STK33: variants seen among roughly 807,000 people sequenced by gnomAD.
The protein encoded by STK33 is serine/threonine kinase 33, also known as serine/threonine-protein kinase 33.
Under a neutral mutation model 58.0 loss-of-function variants are expected in STK33, and 52 were observed. The observed-to-expected ratio is 0.90, with a 90% CI of 0.72 to 1.13. The LOEUF (loss-of-function observed/expected upper bound fraction) is 1.13. Among genes scored for constraint, STK33 ranks in the 50% most tolerant of loss-of-function variants. The pLI, the probability that STK33 is intolerant of heterozygous loss-of-function variation, is 0.00. For missense variants in STK33, 630 were observed against 604.2 expected, an observed-to-expected ratio of 1.04 and a Z score of -0.45; for synonymous variants, 215 against 200.1, an observed-to-expected ratio of 1.07 and a Z score of -0.63.
chr11:8,385,272 G>C, the STK33 span, among the ~76,000 whole-genome samples: 1 of 152,184 alleles, frequency 6.6e-6, no homozygotes, highest in Admixed American at 6.5e-5. Context: ...AAGACAAACG[G>C]ATCCTTTAAA....
At chr11:8,582,207 CA>C (rs898462599) in intron 1 of STK33, among the ~76,000 whole-genome samples, 38 of 151,876 alleles carry the variant, frequency 2.5e-4, no homozygotes, top group African/African-American at 8.9e-4. Flanking sequence ...ATTTGATAAA[CA>C]AAAAAACATT....
At chr11:8,431,786 C>T (rs1943453551) in intron 14 of STK33, among the ~76,000 whole-genome samples, 1 of 152,156 alleles carries the variant, frequency 6.6e-6, no homozygotes, top group Non-Finnish European at 1.5e-5. Context: ...AACCCTGGTT[C>T]AAGTCCACTC....
chr11:8,424,140 C>T (rs963318377), intron 14 of STK33, among the ~76,000 whole-genome samples: 1 of 135,502 alleles, frequency 7.4e-6, no homozygotes, highest in African/African-American at 2.7e-5. Flanking sequence ...CCTCCCCCCT[C>T]CCCCAACCCC....
the STK33 span, among the ~76,000 whole-genome samples, chr11:8,362,403 A>T: frequency 2.0e-5 from 3 of 152,216 alleles, no homozygotes; most frequent in East Asian, 5.8e-4. Flanking sequence ...ATTCGGAGTG[A>T]AATAATGATG....
intron 14 of STK33, among the ~76,000 whole-genome samples, chr11:8,415,444 C>G (rs1190626898): frequency 3.3e-5 from 5 of 152,108 alleles, no homozygotes; most frequent in Non-Finnish European, 7.4e-5. Context: ...TGGGTGAAAA[C>G]TTTAAGAGAT....
chr11:8,448,077 G>C (rs1258393673), intron 11 of STK33, among the ~76,000 whole-genome samples: 4 of 152,240 alleles, frequency 2.6e-5, no homozygotes, highest in African/African-American at 9.6e-5. Context: ...AACTTACAAG[G>C]GATGTGAAGG....
chr11:8,372,739 C>T, the STK33 span, among the ~76,000 whole-genome samples: 2 of 152,240 alleles, frequency 1.3e-5, no homozygotes, highest in African/African-American at 4.8e-5. Context: ...TTGCCCACTA[C>T]AGCCCTTAAG....
At chr11:8,373,293 G>A in the STK33 span, among the ~76,000 whole-genome samples, 17 of 152,190 alleles carry the variant, frequency 1.1e-4, no homozygotes, top group African/African-American at 4.1e-4. Context: ...AGACTCAAGG[G>A]GTTGGGGAAC....
intron 6 of STK33, among the ~76,000 whole-genome samples, chr11:8,468,461 C>A (rs978601392): frequency 4.6e-5 from 7 of 152,140 alleles, no homozygotes; most frequent in African/African-American, 1.7e-4. Context: ...AATTCAACGC[C>A]CAACTAATTA....
chr11:8,572,364 C>G (rs1017291280), intron 1 of STK33, among the ~76,000 whole-genome samples: 2 of 152,166 alleles, frequency 1.3e-5, no homozygotes, highest in Non-Finnish European at 2.9e-5. Flanking sequence ...TTTCAAGCAA[C>G]TTAACTGCAT....
At chr11:8,593,455 A>G in intron 1 of STK33, among the ~76,000 whole-genome samples, 1 of 152,232 alleles carries the variant, frequency 6.6e-6, no homozygotes, top group East Asian at 1.9e-4. Flanking sequence ...TACTGTTCAC[A>G]AAACAGCTTC....
intron 12 of STK33, among the ~76,000 whole-genome samples, chr11:8,438,997 C>G (rs1205700366): frequency 2.6e-5 from 4 of 152,120 alleles, no homozygotes; most frequent in African/African-American, 9.7e-5. Context: ...TTCCATTTCA[C>G]ACAACTGTGA....
intron 6 of STK33, 39 bp downstream of exon 6, chr11:8,473,124 C>T (rs373976000): frequency 8.2e-6 from 11 of 1,343,146 alleles, no homozygotes; most frequent in Non-Finnish European, 1.0e-5. Context: ...TTAGAAGAAA[C>T]CTGAAAGTTC....
At chr11:8,439,869 T>TATATGTA (rs1554930119) in intron 12 of STK33, among the ~76,000 whole-genome samples, 1 of 107,274 alleles carries the variant, frequency 9.3e-6, no homozygotes, top group African/African-American at 3.4e-5. Context: ...TATATTATAA[T>TATATGTA]TATATATATA....
chr11:8,565,080 C>A (rs1957357383), intron 1 of STK33, among the ~76,000 whole-genome samples: 2 of 152,124 alleles, frequency 1.3e-5, no homozygotes, highest in African/African-American at 4.8e-5. Flanking sequence ...GAGGGCATCT[C>A]CGGGAGTGTC....
In STK33 at chr11:8,548,077, G is replaced by C. The variant is rs112600756; in HGVS notation, c.-466+46006C>G. On this transcript the variant is annotated intron_variant, in intron 1 of 15. Transcript: ENST00000687296. ...ACCTAATGTAAATGACGAGTTAATG[G>C]ATGCAGCACACCAACATGGCACGTG... Among the ~76,000 whole-genome samples the C allele has an allele frequency of 3.9e-3, 594 of 151,580 alleles. 2 individuals carry two copies. Among genetic ancestry groups the C allele is most frequent in the Non-Finnish European group, 6.2e-3 (423 of 67,904 alleles).
chr11:8,538,715 T>C (rs942813636), intron 1 of STK33, among the ~76,000 whole-genome samples: 5 of 152,200 alleles, frequency 3.3e-5, no homozygotes, highest in African/African-American at 1.2e-4. Context: ...CCTACATGTG[T>C]CTAGTGCTCA....
chr11:8,593,254 G>A (rs917963553), intron 1 of STK33, among the ~76,000 whole-genome samples: 1 of 152,176 alleles, frequency 6.6e-6, no homozygotes, highest in Non-Finnish European at 1.5e-5. Context: ...TTCAAAACTT[G>A]TTGATGTTCC....
At chr11:8,356,822 G>T in the STK33 span, among the ~76,000 whole-genome samples, 19 of 152,284 alleles carry the variant, frequency 1.2e-4, no homozygotes, top group African/African-American at 3.6e-4. Flanking sequence ...ACTGTCTATG[G>T]AGGTCCAAGG....
Sources: gnomAD v4.1 joint callset for allele counts (sites outside exome capture counted in the v4.1 genomes callset) on GRCh38, gnomAD v4.1.1 for gene constraint, MANE v1.5 for transcripts, NCBI Gene and HGNC (gene_info 2026-07-23, HGNC 2026-07-21) for gene names.